ARMC5: variants seen among roughly 807,000 people sequenced by gnomAD.
ARMC5 encodes the protein armadillo repeat containing 5, also known as armadillo repeat-containing protein 5.
In ARMC5, 28 loss-of-function variants were observed where a neutral mutation model predicts 60.5. That is an observed-to-expected ratio of 0.46 (90% confidence interval 0.34 to 0.63). ARMC5 has a LOEUF of 0.63. Ranked by LOEUF, ARMC5 falls within the 30% of genes least tolerant of loss-of-function variation. The pLI, the probability that ARMC5 is intolerant of heterozygous loss-of-function variation, is 0.01. For synonymous variants in ARMC5, 680 were observed against 607.3 expected (o/e 1.12, Z -1.76); for missense variants, 1,189 against 1,304.9 (o/e 0.91, Z 1.37).
chr16:31,459,500 GGC>G lies in ARMC5; in HGVS notation c.-23_-22del. ...CCCTGGGATCAGCGGCGAGAAGCGG[GGC>G]GGAGTCTGAGGCCCGAGCCAAGATG... On this transcript the variant is annotated 5_prime_UTR_variant, in exon 1 of 6. Coordinates refer to ENST00000268314, the MANE Select transcript of ARMC5 (RefSeq NM_001105247.2). 6.3e-7 allele frequency: 1 copy of G among 1,589,096 alleles called. No homozygotes were observed.
At chr16:31,458,795 C>T, upstream of ARMC5, 2 of 1,525,662 alleles carry the variant, frequency 1.3e-6, no homozygotes, top group South Asian at 2.4e-5. Flanking sequence ...TCCGGATTCT[C>T]CCTCGCCTCT....
chr16:31,463,316 C>G (rs1206063040), intron 3 of ARMC5, among the ~76,000 whole-genome samples: 1 of 152,158 alleles, frequency 6.6e-6, no homozygotes, highest in Non-Finnish European at 1.5e-5. Flanking sequence ...CCAGCCTGGT[C>G]TCGAACTCCT....
At chr16:31,465,756 C>T in intron 4 of ARMC5, 94 bp from the exon 5 acceptor site, 1 of 1,570,448 alleles carries the variant, frequency 6.4e-7, no homozygotes, top group Admixed American at 1.9e-5. Flanking sequence ...CCAGAGGTTT[C>T]ACCCTCCTTC....
At chr16:31,460,101 C>T in intron 1 of ARMC5, 102 bp downstream of exon 1, 1 of 1,297,726 alleles carries the variant, frequency 7.7e-7, no homozygotes, top group Non-Finnish European at 1.1e-6. Flanking sequence ...CCCGGAATAA[C>T]GTGCTTTGTG....
chr16:31,463,271 G>A (rs1352590026), intron 3 of ARMC5, among the ~76,000 whole-genome samples: 1 of 152,008 alleles, frequency 6.6e-6, no homozygotes, highest in African/African-American at 2.4e-5. Flanking sequence ...GCTAATTTTT[G>A]TATTTTTAAT....
chr16:31,459,536 G>A lies in ARMC5; in HGVS notation c.12G>A (p.Ala4=), dbSNP rs1339700834. The A allele has an allele frequency of 6.9e-6, 11 of 1,604,646 alleles. No individual in the cohort carries two copies. Among genetic ancestry groups the A allele is most frequent in the South Asian group, 1.1e-5 (1 of 89,872 alleles). The change falls in exon 1 of 6, where the codon GCG becomes GCA. Residue 4 remains alanine, a synonymous_variant. Coordinates refer to ENST00000268314, the MANE Select transcript of ARMC5 (RefSeq NM_001105247.2). ...AGGCCCGAGCCAAGATGGCGGCTGC[G>A]AAGCCAACCCTCACGGACTCGCTCT... MAA[A]KPTLTDSLSF...
At position 31,462,974 on chromosome 16, in the gene ARMC5, G is replaced by A. The variant is rs1001992748; in HGVS notation, c.1370+57G>A. On this transcript the variant is annotated intron_variant, in intron 3 of 5. Transcript: ENST00000268314. This position sits in a 1 kb window ranked among gnomAD's most constrained non-coding sequence, Gnocchi z 7.2. ...AGCAGTGCAGTGATGTGGGGTTTGT[G>A]TCTGTCTTGGTCCTCTTCACTACCT... 13 of 1,443,572 alleles carry A rather than the reference G, an allele frequency of 9.0e-6. No homozygotes were observed. The highest frequency in any genetic ancestry group is 2.7e-5 in the Admixed American group (1 of 37,038). 89.4% of individuals were successfully genotyped at this position (1,443,572 alleles called of 1,614,324 possible).
Position 31,462,369 on chromosome 16 carries a change from T to A in ARMC5, c.822T>A (p.Ala274=), listed in dbSNP as rs963684014. The change falls in exon 3 of 6, where the codon GCT becomes GCA. Residue 274 remains alanine, a synonymous_variant. Coordinates refer to ENST00000268314, the MANE Select transcript of ARMC5 (RefSeq NM_001105247.2). The surrounding 1 kb of genome is among the most constrained non-coding windows in gnomAD (Gnocchi z 7.2). ...ELSRGCSRAC[A]EQLSLGGGLG... ...GCCGAGGCTGCTCCCGGGCCTGTGC[T>A]GAGCAGCTAAGTCTGGGTGGGGGAT... is the stretch of plus-strand genomic sequence containing the variant. 40 of 1,609,784 alleles carry A rather than the reference T, an allele frequency of 2.5e-5. No homozygotes were observed. The highest frequency in any genetic ancestry group is 3.3e-5 in the Non-Finnish European group (39 of 1,177,688).
rs548282161 is a variant in ARMC5 at position 31,465,720 on chromosome 16, G to T, written c.1865-130G>T. On this transcript the variant is annotated intron_variant, in intron 4 of 5. Transcript: ENST00000268314. ...TTCCCAGCGTCCCGAGCCCAGCACT[G>T]TCTCTTCAGTGCCCTGATTTCTCAC... 34 of 1,514,548 alleles carry T rather than the reference G, an allele frequency of 2.2e-5. 1 individual carries two copies. In the South Asian group the frequency reaches 4.0e-4, roughly 18 times the overall value. The allele number at this position is 1,514,548 out of a possible 1,614,324, so 93.8% of individuals were successfully genotyped here. A position where few individuals can be genotyped will look rare whatever the true frequency, so the allele number is the denominator to read the frequency against.
At position 31,466,734 on chromosome 16, in the gene ARMC5, G is replaced by T; in HGVS notation, c.2653G>T (p.Ala885Ser). 6.4e-7 allele frequency: 1 copy of T among 1,562,758 alleles called. No homozygotes were observed. Among genetic ancestry groups the T allele is most frequent in the Non-Finnish European group, 8.7e-7 (1 of 1,154,722 alleles). The change falls in exon 6 of 6, where the codon GCC becomes TCC. Residue 885 changes from alanine (A) to serine (S), a missense_variant. Transcript: ENST00000268314. The surrounding 1 kb of genome is among the most constrained non-coding windows in gnomAD (Gnocchi z 8.0). Reference sequence around the variant, plus strand: ...CCGGCCCCGGCTGGCTGCCCACTGTGCCCGCTGGACACTGGGGTCAGAGCA... The same window carrying T: ...CCGGCCCCGGCTGGCTGCCCACTGTTCCCGCTGGACACTGGGGTCAGAGCA... Reference protein sequence around the residue: ...LGRPRLAAHCARWTLGSEQCP... With the variant: ...LGRPRLAAHCSRWTLGSEQCP...
At position 31,459,973 on chromosome 16, in the gene ARMC5, G is replaced by A. The variant is rs866327048; in HGVS notation, c.449G>A (p.Arg150His). Residue 150 changes from arginine to histidine, a missense_variant, in exon 1 of 6, where the codon CGC becomes CAC. Physicochemically the swap from Arg to His is conservative, Grantham distance 29 (BLOSUM62 0). Coordinates refer to ENST00000268314, the MANE Select transcript of ARMC5 (RefSeq NM_001105247.2). Reference protein sequence around the residue: ...CTEGACRTEVRRLGGILPLVT... With the variant: ...CTEGACRTEVHRLGGILPLVT... ...GAAGGGGCGTGCCGGACCGAAGTGC[G>A]CAGACTCGGAGGCATACTCCCTTTG... 1 of 1,599,982 alleles carries A rather than the reference G, an allele frequency of 6.3e-7. No individual in the cohort carries two copies.
Position 31,466,206 on chromosome 16 carries a change from C to T in ARMC5, c.2125C>T (p.Gln709Ter). 2 of 1,613,536 alleles carry T rather than the reference C, an allele frequency of 1.2e-6. No homozygotes were observed. The highest frequency in any genetic ancestry group is 1.7e-6 in the Non-Finnish European group (2 of 1,179,892). The part of the protein sequence containing the change: ...FFAADSLSCL[Q>*]DLVSPTVSPA... ...TGCCGCGGACTCCCTTTCCTGCCTC[C>T]AAGACCTGGTGTCTCCCACTGTGAG... The change falls in exon 6 of 6, where the codon CAA becomes TAA. Residue 709 changes from glutamine (Q) to a stop codon, truncating the protein, a stop_gained. Transcript: ENST00000268314. LOFTEE classifies it high-confidence loss of function. The surrounding 1 kb of genome is among the most constrained non-coding windows in gnomAD (Gnocchi z 8.0).
upstream of ARMC5, chr16:31,458,540 T>C: frequency 6.5e-7 from 1 of 1,528,304 alleles, no homozygotes; most frequent in Non-Finnish European, 8.8e-7. Context: ...TGGTGGTGAA[T>C]GAAGCCGGGG....
rs1452658837 is a variant in ARMC5, at chr16:31,462,303, T to C, written c.756T>C (p.Ala252=). The change falls in exon 3 of 6, where the codon GCT becomes GCC. Residue 252 remains alanine (A), a synonymous_variant. Coordinates refer to ENST00000268314, the MANE Select transcript of ARMC5 (RefSeq NM_001105247.2). The surrounding 1 kb of genome is among the most constrained non-coding windows in gnomAD (Gnocchi z 7.2). ...LAELLATAPD[A]ALTLALVRAL... ...AGCTCCTGGCCACTGCCCCAGATGC[T>C]GCACTGACCTTAGCCCTCGTCCGTG... is the stretch of plus-strand genomic sequence containing the variant. 1.9e-6 allele frequency: 3 copies of C among 1,610,380 alleles called. No individual in the cohort carries two copies. The highest frequency in any genetic ancestry group is 1.7e-5 in the Admixed American group (1 of 60,008).
At chr16:31,463,678 G>C (rs2082324333) in intron 3 of ARMC5, among the ~76,000 whole-genome samples, 1 of 152,104 alleles carries the variant, frequency 6.6e-6, no homozygotes, top group South Asian at 2.1e-4. Flanking sequence ...AAAGTGTAGG[G>C]ATTACAGATG....
Position 31,462,541 on chromosome 16 carries a change from C to T in ARMC5, c.994C>T (p.Arg332Trp), listed in dbSNP as rs777214700. ...GGVEVLVDEL[R>W]QRRDPNGASP... ...CGTGGAGGTGCTGGTAGATGAGCTC[C>T]GGCAGCGCCGGGATCCTAATGGAGC... The change falls in exon 3 of 6, where the codon CGG becomes TGG. Residue 332 changes from arginine to tryptophan, a missense_variant. By Grantham distance (101) the Arg-to-Trp change is moderately radical. Around this residue, in one of 2 missense-constraint regions of ARMC5, gnomAD observed 862 missense variants for 1,071.2 expected, o/e 0.80. Coordinates refer to ENST00000268314, the MANE Select transcript of ARMC5 (RefSeq NM_001105247.2). This position sits in a 1 kb window ranked among gnomAD's most constrained non-coding sequence, Gnocchi z 7.2. 6.2e-7 allele frequency: 1 copy of T among 1,610,746 alleles called. No homozygotes were observed. Among genetic ancestry groups the T allele is most frequent in the Non-Finnish European group, 8.5e-7 (1 of 1,179,794 alleles).
chr16:31,463,259 C>A (rs2082321173), intron 3 of ARMC5, among the ~76,000 whole-genome samples: 1 of 152,098 alleles, frequency 6.6e-6, no homozygotes, highest in Non-Finnish European at 1.5e-5. Flanking sequence ...CCACCACTCC[C>A]AGCTAATTTT....
chr16:31,458,977 G>A (rs1285501663), upstream of ARMC5: 7 of 1,535,468 alleles, frequency 4.6e-6, no homozygotes, highest in African/African-American at 1.4e-5. Context: ...AACGTTCTCG[G>A]TAGGTTTAAC....
intron 4 of ARMC5, chr16:31,465,324 AAGGAGCCCTTC>A (rs1325066216): frequency 3.5e-6 from 5 of 1,425,006 alleles, no homozygotes; most frequent in Non-Finnish European, 4.6e-6. Flanking sequence ...CTGCTAGACC[AAGGAGCCCTTC>A]TGCTGGCCCT....
Sources: gnomAD v4.1 joint callset for allele counts (sites outside exome capture counted in the v4.1 genomes callset) on GRCh38, gnomAD v4.1.1 for gene constraint, gnomAD v4.1.1 regional missense constraint, Gnocchi (gnomAD v3.1) non-coding constraint, MANE v1.5 for transcripts, NCBI Gene and HGNC (gene_info 2026-07-23, HGNC 2026-07-21) for gene names.